The following CAPS2 variants were observed in gnomAD, a reference collection of about 807,000 sequenced individuals.
CAPS2 encodes calcyphosin-2.
A neutral mutation model predicts 86.5 loss-of-function variants in CAPS2; 98 were observed. The ratio of observed to expected loss-of-function variants is 1.13; its 90% CI spans 0.96 to 1.34. CAPS2 has a LOEUF of 1.34. CAPS2 is among the 40% of genes most tolerant of loss of function. CAPS2 has a pLI of 0.00. For synonymous variants in CAPS2, 210 were observed against 225.1 expected (o/e 0.93, Z 0.60); for missense variants, 729 against 686.8 (o/e 1.06, Z -0.69).
chr12:75,350,311 C>T (rs1423882987), intron 1 of CAPS2, among the ~76,000 whole-genome samples: 1 of 152,206 alleles, frequency 6.6e-6, no homozygotes. Flanking sequence ...TTTCTGATGG[C>T]AAGCTCTGAG....
downstream of CAPS2, chr12:75,276,417 A>G (rs2032940741): frequency 1.0e-6 from 1 of 981,422 alleles, no homozygotes; most frequent in African/African-American, 1.7e-5. Context: ...CAAAAGTAAT[A>G]TGTAAAATAA....
chr12:75,317,052 T>A (rs188597157), intron 5 of CAPS2, among the ~76,000 whole-genome samples: 1 of 152,288 alleles, frequency 6.6e-6, no homozygotes, highest in Non-Finnish European at 1.5e-5. Flanking sequence ...TTACTTTAGA[T>A]CTTCCTTGAA....
At chr12:75,279,934 G>A (rs555805223) in intron 16 of CAPS2, among the ~76,000 whole-genome samples, 1 of 151,580 alleles carries the variant, frequency 6.6e-6, no homozygotes, top group African/African-American at 2.4e-5. Context: ...TTTTTTCTGA[G>A]GAAACATTTT....
At chr12:75,318,369 TA>T (rs2039983106) in intron 5 of CAPS2, among the ~76,000 whole-genome samples, 2 of 152,216 alleles carry the variant, frequency 1.3e-5, no homozygotes, top group Admixed American at 1.3e-4. Flanking sequence ...CTATTCTCAA[TA>T]AAGCCCATCC....
intron 7 of CAPS2, among the ~76,000 whole-genome samples, chr12:75,310,970 A>G (rs2039093197): frequency 6.6e-6 from 1 of 152,142 alleles, no homozygotes; most frequent in Admixed American, 6.5e-5. Context: ...ATAAAAAGTA[A>G]GGCCCTTCCA....
chr12:75,298,924 GA>G lies in CAPS2; in HGVS notation c.896del (p.Phe299SerfsTer54). 2 of 1,608,854 alleles carry G rather than the reference GA, an allele frequency of 1.2e-6. No homozygotes were observed. The highest frequency in any genetic ancestry group is 1.1e-5 in the South Asian group (1 of 89,626). On this transcript the variant is annotated frameshift_variant, in exon 10 of 17. Transcript: ENST00000393284. LOFTEE classifies it high-confidence loss of function. ...AAATTGTAAGGGATTGGTCATGAGTGAAAAAGAACCCAATGAGCTCTCTGCA... is the reference window on the plus strand; with the variant it reads ...AAATTGTAAGGGATTGGTCATGAGTGAAAAGAACCCAATGAGCTCTCTGCA...
intron 1 of CAPS2, among the ~76,000 whole-genome samples, chr12:75,379,158 A>C (rs1353813704): frequency 6.6e-6 from 1 of 152,180 alleles, no homozygotes; most frequent in Admixed American, 6.5e-5. Flanking sequence ...GATTTTCTTT[A>C]AGTCAGATTC....
chr12:75,321,329 A>C (rs2040275793), intron 5 of CAPS2, 71 bp downstream of exon 5: 2 of 980,066 alleles, frequency 2.0e-6, no homozygotes, highest in South Asian at 3.5e-5. Flanking sequence ...ATGTCACACA[A>C]AAAGAGATTT....
intron 1 of CAPS2, among the ~76,000 whole-genome samples, chr12:75,354,132 G>A (rs753060844): frequency 1.5e-5 from 2 of 135,362 alleles, no homozygotes; most frequent in Non-Finnish European, 3.1e-5. Flanking sequence ...AGTATTGGAA[G>A]TTCTGGCCAG....
chr12:75,289,348 T>C (rs2035450107), intron 14 of CAPS2, among the ~76,000 whole-genome samples: 1 of 152,216 alleles, frequency 6.6e-6, no homozygotes, highest in Non-Finnish European at 1.5e-5. Context: ...TTTTGTTTTA[T>C]GTTCATTGTC....
At chr12:75,299,343 A>G (rs1281443682) in intron 9 of CAPS2, among the ~76,000 whole-genome samples, 1 of 152,184 alleles carries the variant, frequency 6.6e-6, no homozygotes, top group African/African-American at 2.4e-5. Context: ...TTCACTAAAC[A>G]AATAAAATAA....
intron 8 of CAPS2, among the ~76,000 whole-genome samples, chr12:75,303,651 T>G (rs943760093): frequency 6.6e-6 from 1 of 152,204 alleles, no homozygotes. Flanking sequence ...GTGTGGTACA[T>G]AAATGACGAC....
rs1713253258 is a variant in CAPS2 at position 75,306,372 on chromosome 12, G to C, written c.660-1496C>G. 6.4e-5 allele frequency: 28 copies of C among 437,590 alleles called. No individual in the cohort carries two copies. The South Asian group carries it at 7.5e-4, about 12-fold the overall frequency. 27.1% of individuals were successfully genotyped at this position (437,590 alleles called of 1,614,324 possible). ...TGTCTCTGAGGACTAGCAAGGTCTG[G>C]AGGCCGGTGAATGGTTTCTGACCCT... On this transcript the variant is annotated intron_variant, in intron 7 of 16. Coordinates refer to ENST00000393284, the Ensembl canonical transcript of CAPS2.
At chr12:75,336,115 C>A (rs2041719108) in intron 1 of CAPS2, among the ~76,000 whole-genome samples, 1 of 151,794 alleles carries the variant, frequency 6.6e-6, no homozygotes, top group South Asian at 2.1e-4. Flanking sequence ...CTGAAAGTTC[C>A]TTATATTGTT....
chr12:75,390,440 T>G, intron 1 of CAPS2: 5 of 443,044 alleles, frequency 1.1e-5, no homozygotes, highest in Non-Finnish European at 2.3e-5. Context: ...ATCCCTACTC[T>G]CCCTTCACTC....
At chr12:75,386,010 C>T (rs1353167490) in intron 1 of CAPS2, among the ~76,000 whole-genome samples, 2 of 152,102 alleles carry the variant, frequency 1.3e-5, no homozygotes, top group Admixed American at 1.3e-4. Context: ...TTTGTTCATT[C>T]TATTTCCTTG....
At chr12:75,314,617 A>C (rs897823097) in intron 6 of CAPS2, among the ~76,000 whole-genome samples, 8 of 151,834 alleles carry the variant, frequency 5.3e-5, no homozygotes, top group Non-Finnish European at 7.4e-5. Flanking sequence ...CCTCAAAGTA[A>C]AGCAAGGTAT....
At chr12:75,380,507 A>T (rs1437790650) in intron 1 of CAPS2, among the ~76,000 whole-genome samples, 37 of 151,898 alleles carry the variant, frequency 2.4e-4, no homozygotes. Flanking sequence ...ATTGATTATT[A>T]TAAGAATAAC....
chr12:75,326,531 T>C, upstream of CAPS2: 1 of 1,318,404 alleles, frequency 7.6e-7, no homozygotes, highest in Non-Finnish European at 1.1e-6. Context: ...CAGTATACTT[T>C]GAAAAAGGTA....
Sources: gnomAD v4.1 joint callset for allele counts (sites outside exome capture counted in the v4.1 genomes callset) on GRCh38, gnomAD v4.1.1 for gene constraint, MANE v1.5 for transcripts, NCBI Gene and HGNC (gene_info 2026-07-23, HGNC 2026-07-21) for gene names.